The following GPR158 variants were observed in gnomAD, a reference collection of about 807,000 sequenced individuals.
GPR158 encodes metabotropic glycine receptor.
A neutral mutation model predicts 78.2 loss-of-function variants in GPR158; 30 were observed. The observed-to-expected ratio is 0.38, with a 90% CI of 0.29 to 0.52. The LOEUF (loss-of-function observed/expected upper bound fraction) is 0.52. Among genes scored for constraint, GPR158 ranks in the 20% least tolerant of loss-of-function variants. GPR158 has a pLI of 0.83. For missense variants in GPR158, 1,463 were observed against 1,523.5 expected (o/e 0.96, Z 0.66); for synonymous variants, 581 against 591.1 (o/e 0.98, Z 0.25).
chr10:25,288,177 G>T (rs1306470426), intron 2 of GPR158, among the ~76,000 whole-genome samples: 1 of 152,106 alleles, frequency 6.6e-6, no homozygotes, highest in Non-Finnish European at 1.5e-5. Context: ...AGAAACTCAG[G>T]CACTGTGAGG....
chr10:25,563,325 A>G (rs1836882485), intron 6 of GPR158, among the ~76,000 whole-genome samples: 1 of 151,622 alleles, frequency 6.6e-6, no homozygotes, highest in South Asian at 2.1e-4. Flanking sequence ...TTTATTTACA[A>G]ACTATTATTT....
intron 1 of GPR158, among the ~76,000 whole-genome samples, chr10:25,196,991 C>G (rs1157878780): frequency 6.6e-6 from 1 of 152,188 alleles, no homozygotes; most frequent in Non-Finnish European, 1.5e-5. Flanking sequence ...TTAGCTGCCA[C>G]CCCTCCCTGG....
At chr10:25,294,824 G>A (rs979808315) in intron 2 of GPR158, among the ~76,000 whole-genome samples, 2 of 152,102 alleles carry the variant, frequency 1.3e-5, no homozygotes, top group African/African-American at 2.4e-5. Context: ...GTTAGACTGG[G>A]GCAAGACACT....
At chr10:25,318,012 C>T (rs761372748) in intron 2 of GPR158, among the ~76,000 whole-genome samples, 1 of 152,120 alleles carries the variant, frequency 6.6e-6, no homozygotes, top group East Asian at 1.9e-4. Context: ...CGTGAGTCAC[C>T]GTGCCTGGCC....
intron 1 of GPR158, among the ~76,000 whole-genome samples, chr10:25,191,487 T>G (rs1852771525): frequency 6.6e-6 from 1 of 152,204 alleles, no homozygotes; most frequent in South Asian, 2.1e-4. Context: ...AACAAGACAA[T>G]CTGCAATAGG....
chr10:25,558,526 G>A (rs959419091), intron 6 of GPR158, among the ~76,000 whole-genome samples: 1 of 152,164 alleles, frequency 6.6e-6, no homozygotes, highest in Non-Finnish European at 1.5e-5. Flanking sequence ...TCACCTGCCT[G>A]CTGTTGCACC....
chr10:25,442,092 G>T (rs183180091), intron 4 of GPR158, among the ~76,000 whole-genome samples: 1 of 152,332 alleles, frequency 6.6e-6, no homozygotes, highest in Admixed American at 6.5e-5. Context: ...TGTGAAAGCT[G>T]ATTCTAAAAG....
chr10:25,251,510 T>G (rs1853799531), intron 2 of GPR158, among the ~76,000 whole-genome samples: 1 of 151,902 alleles, frequency 6.6e-6, no homozygotes, highest in Admixed American at 6.6e-5. Context: ...GCAGGTCTGG[T>G]GGTGACAAAA....
intron 1 of GPR158, among the ~76,000 whole-genome samples, chr10:25,210,248 C>T (rs185796645): frequency 2.0e-4 from 31 of 152,208 alleles, no homozygotes; most frequent in East Asian, 1.5e-3. Context: ...CATTATTTTG[C>T]ATTTTATCCA....
intron 1 of GPR158, among the ~76,000 whole-genome samples, chr10:25,193,529 G>T (rs1852804041): frequency 6.6e-6 from 1 of 152,200 alleles, no homozygotes; most frequent in South Asian, 2.1e-4. Context: ...TGGGTAATGT[G>T]GTAGAAGATG....
chr10:25,175,440 C>A lies in GPR158; in HGVS notation c.20C>A (p.Pro7His). 6.3e-7 allele frequency: 1 copy of A among 1,584,112 alleles called. No homozygotes were observed. The highest frequency in any genetic ancestry group is 1.8e-5 in the Admixed American group (1 of 57,122). MGAMAY[P>H]LLLCLLLAQL... ...AGGCAGATGGGAGCCATGGCTTACCCCTTACTCCTCTGCCTCCTGCTTGCT... is the reference window on the plus strand; with the variant it reads ...AGGCAGATGGGAGCCATGGCTTACCACTTACTCCTCTGCCTCCTGCTTGCT... The change falls in exon 1 of 11, where the codon CCC (proline) becomes CAC (histidine). Residue 7 changes from proline (P) to histidine (H), a missense_variant. Pro to His is a moderately conservative substitution (Grantham distance 77). Coordinates refer to ENST00000376351, the MANE Select transcript of GPR158 (RefSeq NM_020752.3). This position sits in a 1 kb window ranked among gnomAD's most constrained non-coding sequence, Gnocchi z 6.4.
intron 2 of GPR158, among the ~76,000 whole-genome samples, chr10:25,308,168 T>C (rs1315657492): frequency 3.3e-5 from 5 of 152,218 alleles, no homozygotes; most frequent in Non-Finnish European, 1.5e-5. Context: ...TATTTTATTT[T>C]AAGTTCTGGG....
intron 2 of GPR158, among the ~76,000 whole-genome samples, chr10:25,328,767 A>C (rs1855072220): frequency 6.6e-6 from 1 of 151,918 alleles, no homozygotes; most frequent in Non-Finnish European, 1.5e-5. Context: ...TCTGTACTAA[A>C]AATACAAAAA....
chr10:25,580,928 A>T (rs4747536), intron 7 of GPR158, among the ~76,000 whole-genome samples: 48,614 of 112,182 alleles, frequency 0.43, 9,649 homozygotes, highest in African/African-American at 0.57. Context: ...ATTTTATTTT[A>T]TTTTTTTGAG....
chr10:25,268,341 C>T (rs1357254404), intron 2 of GPR158, among the ~76,000 whole-genome samples: 1 of 152,032 alleles, frequency 6.6e-6, no homozygotes, highest in African/African-American at 2.4e-5. Flanking sequence ...CCTGGATAAA[C>T]TTTAGTATAT....
intron 5 of GPR158, among the ~76,000 whole-genome samples, chr10:25,478,916 G>A (rs1588881187): frequency 2.0e-5 from 3 of 151,318 alleles, no homozygotes; most frequent in South Asian, 2.1e-4. Context: ...TTGTCATTGC[G>A]ATAGTTTGCT....
intron 2 of GPR158, among the ~76,000 whole-genome samples, chr10:25,379,075 G>A (rs533518629): frequency 2.6e-5 from 4 of 151,808 alleles, no homozygotes; most frequent in Non-Finnish European, 5.9e-5. Context: ...ACAGGCATGA[G>A]CCACTGTGCC....
At chr10:25,557,982 CAT>C (rs1027538697) in intron 6 of GPR158, among the ~76,000 whole-genome samples, 2 of 152,214 alleles carry the variant, frequency 1.3e-5, no homozygotes, top group Non-Finnish European at 2.9e-5. Flanking sequence ...TTGTATGACA[CAT>C]GACTTTGAAA....
At chr10:25,372,928 G>T (rs1834020791) in intron 2 of GPR158, among the ~76,000 whole-genome samples, 1 of 151,892 alleles carries the variant, frequency 6.6e-6, no homozygotes, top group African/African-American at 2.4e-5. Context: ...ACTGTCATTT[G>T]ACTCAGCAAT....
Sources: allele counts gnomAD v4.1 joint callset (sites outside exome capture counted in the v4.1 genomes callset), GRCh38; gene constraint gnomAD v4.1.1; non-coding constraint Gnocchi (gnomAD v3.1); transcripts MANE v1.5; gene names NCBI Gene and HGNC (gene_info 2026-07-23, HGNC 2026-07-21).